The following NOS1AP variants were observed in gnomAD, a reference collection of about 807,000 sequenced individuals.
NOS1AP encodes the protein carboxyl-terminal PDZ ligand of neuronal nitric oxide synthase protein.
NOS1AP carries 21 observed loss-of-function variants against 56.2 expected under a neutral mutation model. The ratio of observed to expected loss-of-function variants is 0.37; its 90% CI spans 0.26 to 0.54. The LOEUF (loss-of-function observed/expected upper bound fraction) is 0.54. Among genes scored for constraint, NOS1AP ranks in the 20% least tolerant of loss-of-function variants. NOS1AP has a pLI of 0.84. For missense variants in NOS1AP, 522 were observed against 657.8 expected, an observed-to-expected ratio of 0.79 and a Z score of 2.26; for synonymous variants, 270 against 274.6, an observed-to-expected ratio of 0.98 and a Z score of 0.17.
At chr1:162,187,314 A>G (rs1394049001) in intron 2 of NOS1AP, among the ~76,000 whole-genome samples, 2 of 152,208 alleles carry the variant, frequency 1.3e-5, no homozygotes, top group South Asian at 2.1e-4. Context: ...AATAGTTTAT[A>G]TGATTACTTC....
intron 4 of NOS1AP, among the ~76,000 whole-genome samples, chr1:162,307,195 T>C (rs1655862025): frequency 6.6e-6 from 1 of 152,238 alleles, no homozygotes; most frequent in Non-Finnish European, 1.5e-5. Context: ...ACTGTGCTTT[T>C]GAGTTTCAGT....
chr1:162,250,481 C>G (rs928590053), intron 2 of NOS1AP, among the ~76,000 whole-genome samples: 1 of 152,180 alleles, frequency 6.6e-6, no homozygotes, highest in African/African-American at 2.4e-5. Flanking sequence ...TACTCTGGGC[C>G]TATCTGGTTC....
intron 4 of NOS1AP, among the ~76,000 whole-genome samples, chr1:162,331,558 G>A (rs1208043225): frequency 6.6e-6 from 1 of 152,120 alleles, no homozygotes; most frequent in African/African-American, 2.4e-5. Context: ...TTATTTTTTA[G>A]TAAGTGGCAA....
At chr1:162,129,076 T>TA (rs1648626907) in intron 1 of NOS1AP, among the ~76,000 whole-genome samples, 1 of 152,180 alleles carries the variant, frequency 6.6e-6, no homozygotes, top group Non-Finnish European at 1.5e-5. Flanking sequence ...AGTTTTTTTT[T>TA]AATGTTCTTG....
At chr1:162,256,239 C>T (rs1200081223) in intron 2 of NOS1AP, among the ~76,000 whole-genome samples, 1 of 152,154 alleles carries the variant, frequency 6.6e-6, no homozygotes, top group Non-Finnish European at 1.5e-5. Context: ...GTAGTCCAGC[C>T]TATGAGAATA....
chr1:162,365,118 G>A lies in NOS1AP; in HGVS notation c.940-286G>A, dbSNP rs183591646. On this transcript the variant is annotated intron_variant, in intron 8 of 9. Coordinates refer to ENST00000361897, the MANE Select transcript of NOS1AP (RefSeq NM_014697.3). ...CGTGTGTGTGTGTGGCAGGTCTAGAGGGTCGATGGCTCTTTCCTGCCTCTT... is the reference window on the plus strand; with the variant it reads ...CGTGTGTGTGTGTGGCAGGTCTAGAAGGTCGATGGCTCTTTCCTGCCTCTT... The A allele has an allele frequency of 3.2e-5, 44 of 1,379,398 alleles. No individual in the cohort carries two copies. The East Asian group carries it at 1.2e-3, about 38-fold the overall frequency. The allele number at this position is 1,379,398 out of a possible 1,614,324, so 85.4% of individuals were successfully genotyped here.
At position 162,368,728 on chromosome 1, in the gene NOS1AP, A is replaced by C; in HGVS notation, c.*1261A>C. 6.6e-6 allele frequency: 1 copy of C among 152,414 alleles called. No individual in the cohort carries two copies. The highest frequency in any genetic ancestry group is 1.9e-4 in the East Asian group (1 of 5,178). The allele number at this position is 152,414 out of a possible 1,614,324, so 9.4% of individuals were successfully genotyped here. On this transcript the variant is annotated 3_prime_UTR_variant, in exon 10 of 10. Transcript: ENST00000361897. ...AAAGCTCCTTTGCTCCTGTAAGGCCATAAGTGGCTGTTAACAGATTTTCAA... is the reference window on the plus strand; with the variant it reads ...AAAGCTCCTTTGCTCCTGTAAGGCCCTAAGTGGCTGTTAACAGATTTTCAA...
intron 8 of NOS1AP, among the ~76,000 whole-genome samples, chr1:162,359,144 C>T (rs533957408): frequency 1.1e-4 from 16 of 152,268 alleles, no homozygotes; most frequent in South Asian, 6.2e-4. Context: ...GAGCCTCTCT[C>T]GGTTCCACAT....
intron 2 of NOS1AP, among the ~76,000 whole-genome samples, chr1:162,155,708 TC>T (rs543571084): frequency 9.0e-4 from 137 of 152,326 alleles, no homozygotes; most frequent in African/African-American, 3.2e-3. Flanking sequence ...CAAATTCTCT[TC>T]TGATACCTGT....
chr1:162,074,519 G>A (rs1691730546), intron 1 of NOS1AP, among the ~76,000 whole-genome samples: 1 of 152,144 alleles, frequency 6.6e-6, no homozygotes. Flanking sequence ...GTTTGGAGGG[G>A]AAGTCATGGA....
intron 1 of NOS1AP, among the ~76,000 whole-genome samples, chr1:162,116,278 C>A (rs1416831684): frequency 6.6e-6 from 1 of 152,072 alleles, no homozygotes; most frequent in Non-Finnish European, 1.5e-5. Context: ...AGGTTGATGC[C>A]CTGTGGGAGA....
chr1:162,242,083 C>T (rs1367502393), intron 2 of NOS1AP, among the ~76,000 whole-genome samples: 1 of 152,124 alleles, frequency 6.6e-6, no homozygotes, highest in Non-Finnish European at 1.5e-5. Flanking sequence ...TACCTTCCTT[C>T]CTTCATTCAT....
intron 4 of NOS1AP, among the ~76,000 whole-genome samples, chr1:162,315,622 T>C (rs1456512050): frequency 6.6e-6 from 1 of 152,162 alleles, no homozygotes; most frequent in East Asian, 1.9e-4. Flanking sequence ...TATCTGCAAG[T>C]CTCCACATCC....
In NOS1AP at chr1:162,206,630, AT is replaced by A. The variant is rs1652173114; in HGVS notation, c.177+52161del. Among the ~76,000 whole-genome samples the A allele has an allele frequency of 3.3e-5, 5 of 152,308 alleles. No homozygotes were observed. In the South Asian group the frequency reaches 1.0e-3, roughly 32 times the overall value. On this transcript the variant is annotated intron_variant, in intron 2 of 9. Coordinates refer to ENST00000361897, the MANE Select transcript of NOS1AP (RefSeq NM_014697.3). Reference sequence around the variant, plus strand: ...GATTGTGAGTTTTTGTATCACAGGAATTTTTTTGTTAATATACAAGTAGGCA... The same window carrying A: ...GATTGTGAGTTTTTGTATCACAGGAATTTTTTGTTAATATACAAGTAGGCA...
At chr1:162,153,341 C>T (rs1649797959) in intron 1 of NOS1AP, among the ~76,000 whole-genome samples, 1 of 152,106 alleles carries the variant, frequency 6.6e-6, no homozygotes, top group Non-Finnish European at 1.5e-5. Flanking sequence ...GTTGGCCAGG[C>T]TGGTCTCGAA....
At chr1:162,288,410 A>G (rs1655159015) in intron 3 of NOS1AP, among the ~76,000 whole-genome samples, 1 of 152,180 alleles carries the variant, frequency 6.6e-6, no homozygotes, top group African/African-American at 2.4e-5. Flanking sequence ...GGCTAGAGGG[A>G]GAGAGTGTGG....
intron 2 of NOS1AP, among the ~76,000 whole-genome samples, chr1:162,286,073 T>A (rs1424081946): frequency 6.6e-6 from 1 of 152,148 alleles, no homozygotes; most frequent in African/African-American, 2.4e-5. Context: ...AAGGATAGAC[T>A]CAGGACAGTA....
intron 2 of NOS1AP, among the ~76,000 whole-genome samples, chr1:162,163,375 A>T (rs531191357): frequency 1.3e-5 from 2 of 152,324 alleles, no homozygotes; most frequent in South Asian, 4.1e-4. Flanking sequence ...TCATCAATAT[A>T]AAGAGCAGTG....
At chr1:162,094,163 T>A (rs904879080) in intron 1 of NOS1AP, among the ~76,000 whole-genome samples, 1 of 152,002 alleles carries the variant, frequency 6.6e-6, no homozygotes, top group Non-Finnish European at 1.5e-5. Flanking sequence ...TAGGAGTGAG[T>A]AGTTACCCTC....
Sources: allele counts gnomAD v4.1 joint callset (sites outside exome capture counted in the v4.1 genomes callset), GRCh38; gene constraint gnomAD v4.1.1; transcripts MANE v1.5; gene names NCBI Gene and HGNC (gene_info 2026-07-23, HGNC 2026-07-21).